Variants in PSTPIP1 observed in about 807,000 individuals in gnomAD.
PSTPIP1 encodes the protein proline-serine-threonine phosphatase interacting protein 1, also known as proline-serine-threonine phosphatase-interacting protein 1.
A neutral mutation model predicts 69.6 loss-of-function variants in PSTPIP1; 66 were observed. The observed-to-expected ratio is 0.95, with a 90% CI of 0.78 to 1.16. The LOEUF is 1.16. Ranked by LOEUF, PSTPIP1 falls within the 50% of genes most tolerant of loss-of-function variation. PSTPIP1 has a pLI of 0.00. For synonymous variants in PSTPIP1, 266 were observed against 222.7 expected, an observed-to-expected ratio of 1.19 and a Z score of -1.73; for missense variants, 603 against 557.4, an observed-to-expected ratio of 1.08 and a Z score of -0.82.
chr15:77,019,126 A>G (rs537768753), intron 3 of PSTPIP1, among the ~76,000 whole-genome samples: 1 of 152,314 alleles, frequency 6.6e-6, no homozygotes, highest in Admixed American at 6.5e-5. Flanking sequence ...AGTGGCTCTG[A>G]TGAAGCGGGA....
At chr15:77,003,591 G>A (rs1052670095) in intron 1 of PSTPIP1, among the ~76,000 whole-genome samples, 2 of 152,190 alleles carry the variant, frequency 1.3e-5, no homozygotes, top group Non-Finnish European at 2.9e-5. Context: ...AGGAGGTGGA[G>A]GTTGCAGTGA....
rs533171772 is a variant in PSTPIP1 at position 77,026,951 on chromosome 15, C to A, written c.355-901C>A. Among the ~76,000 whole-genome samples, 234 of 152,336 alleles carry A rather than the reference C, an allele frequency of 1.5e-3. 1 individual carries two copies. Among genetic ancestry groups the A allele is most frequent in the African/African-American group, 5.6e-3 (231 of 41,576 alleles). The stretch of plus-strand genomic sequence containing the variant: ...AGTGGCCAGGGCCCCGCAGGCAGAG[C>A]GCTGTGTTGTAGTGTGTGCCATGTG... On this transcript the variant is annotated intron_variant, in intron 5 of 14. Transcript: ENST00000558012.
intron 5 of PSTPIP1, among the ~76,000 whole-genome samples, chr15:77,026,597 G>T (rs555626407): frequency 5.3e-4 from 80 of 152,294 alleles, no homozygotes; most frequent in African/African-American, 1.8e-3. Flanking sequence ...CAAGCCATGC[G>T]CCCCTCAGTC....
intron 1 of PSTPIP1, among the ~76,000 whole-genome samples, chr15:77,008,959 C>T (rs2075876662): frequency 6.6e-6 from 1 of 152,226 alleles, no homozygotes; most frequent in Non-Finnish European, 1.5e-5. Flanking sequence ...ATCTTTGTCT[C>T]TCACTCTGAC....
chr15:76,997,590 C>T (rs1303115693), intron 1 of PSTPIP1, among the ~76,000 whole-genome samples: 1 of 152,180 alleles, frequency 6.6e-6, no homozygotes, highest in Non-Finnish European at 1.5e-5. Flanking sequence ...AAGAGACTTG[C>T]GCAAGGTCAC....
At chr15:77,007,753 C>T (rs1053154202) in intron 1 of PSTPIP1, 37 of 370,142 alleles carry the variant, frequency 1.0e-4, no homozygotes, top group Non-Finnish European at 1.6e-5. Flanking sequence ...CACCACCATG[C>T]CCAGCTAATT....
At position 77,032,938 on chromosome 15, in the gene PSTPIP1, C is replaced by T. The variant is rs11858480; in HGVS notation, c.915C>T (p.Cys305=). Residue 305 remains cysteine (C), a synonymous_variant, in exon 12 of 15, where the codon TGC becomes TGT. Transcript: ENST00000558012. The part of the protein sequence containing the change: ...LTSSPGIQPS[C]GMIKRFSGLL... ...GCAGCCCTGGCATACAGCCGTCCTGCGGCATGATAAAGAGGTGAGGCCCCG... is the reference window on the plus strand; with the variant it reads ...GCAGCCCTGGCATACAGCCGTCCTGTGGCATGATAAAGAGGTGAGGCCCCG... 0.023 allele frequency: 36,841 copies of T among 1,602,812 alleles called. 817 individuals carry two copies. The highest frequency in any genetic ancestry group is 0.094 in the African/African-American group (7,061 of 74,838).
intron 1 of PSTPIP1, among the ~76,000 whole-genome samples, chr15:77,009,083 CTT>C (rs1258861598): frequency 4.6e-5 from 7 of 152,124 alleles, no homozygotes; most frequent in Non-Finnish European, 7.4e-5. Context: ...AGTAAACTAA[CTT>C]TGGTGGTTAG....
chr15:77,002,622 C>T (rs985816632), intron 1 of PSTPIP1, among the ~76,000 whole-genome samples: 3 of 152,126 alleles, frequency 2.0e-5, no homozygotes, highest in African/African-American at 7.2e-5. Flanking sequence ...AGGACGTGGC[C>T]GGCTGCTCAG....
chr15:77,034,225 A>G (rs113262942), intron 12 of PSTPIP1, among the ~76,000 whole-genome samples: 3,775 of 152,136 alleles, frequency 0.025, 98 homozygotes, highest in African/African-American at 0.077. Context: ...ACAATGGCTC[A>G]GCAAGCCCTG....
At chr15:77,003,033 G>A (rs1249746493) in intron 1 of PSTPIP1, among the ~76,000 whole-genome samples, 1 of 152,218 alleles carries the variant, frequency 6.6e-6, no homozygotes, top group Non-Finnish European at 1.5e-5. Flanking sequence ...CATTGTGCAA[G>A]GTGACTGGTA....
At position 77,020,388 on chromosome 15, in the gene PSTPIP1, C is replaced by G. The variant is rs76906988; in HGVS notation, c.212+1857C>G. On this transcript the variant is annotated intron_variant, in intron 3 of 14. Coordinates refer to ENST00000558012, the MANE Select transcript of PSTPIP1 (RefSeq NM_003978.5). ...CTTGGAGAGGTGTTCTGGGCAGTCA[C>G]AAGGACAAGCAGAGAGTGCCAAGCC... is the stretch of plus-strand genomic sequence containing the variant. Among the ~76,000 whole-genome samples, 6 of 152,076 alleles carry G rather than the reference C, an allele frequency of 3.9e-5. No individual in the cohort carries two copies. The South Asian group carries it at 1.0e-3, about 26-fold the overall frequency.
chr15:76,998,936 A>G (rs1035041680), intron 1 of PSTPIP1, among the ~76,000 whole-genome samples: 1 of 152,222 alleles, frequency 6.6e-6, no homozygotes, highest in Non-Finnish European at 1.5e-5. Flanking sequence ...AAAGAGCATC[A>G]CACCTTGGCA....
At chr15:77,033,095 T>C in intron 12 of PSTPIP1, 143 bp downstream of exon 12, 1 of 815,822 alleles carries the variant, frequency 1.2e-6, no homozygotes, top group South Asian at 1.7e-5. Context: ...CTGGGCACTC[T>C]GTGGAGACAA....
intron 1 of PSTPIP1, among the ~76,000 whole-genome samples, chr15:77,004,115 C>T (rs2075768832): frequency 6.6e-6 from 1 of 152,202 alleles, no homozygotes; most frequent in South Asian, 2.1e-4. Context: ...TCCTGTTTTA[C>T]AGAGAGGAAA....
chr15:77,017,129 T>C (rs1269861368), intron 1 of PSTPIP1, among the ~76,000 whole-genome samples: 2 of 152,056 alleles, frequency 1.3e-5, no homozygotes, highest in African/African-American at 4.8e-5. Flanking sequence ...TCCCCTGGAG[T>C]AAGCCTGCGT....
At chr15:77,013,944 T>C (rs62007171) in intron 1 of PSTPIP1, among the ~76,000 whole-genome samples, 39,969 of 151,640 alleles carry the variant, frequency 0.26, 5,463 homozygotes, top group South Asian at 0.33. Flanking sequence ...GGGGAGGTGA[T>C]GAGGTGACTC....
intron 8 of PSTPIP1, 119 bp from the exon 9 acceptor site, chr15:77,030,383 A>G: frequency 9.9e-7 from 1 of 1,007,052 alleles, no homozygotes; most frequent in Admixed American, 2.0e-5. Context: ...CTGCTAGGGC[A>G]GGTCCCATGG....
intron 1 of PSTPIP1, among the ~76,000 whole-genome samples, chr15:77,008,736 T>C (rs968540179): frequency 6.6e-6 from 1 of 152,168 alleles, no homozygotes; most frequent in Non-Finnish European, 1.5e-5. Flanking sequence ...TACCTCTGTG[T>C]AGGCTGAGAG....
Sources: gnomAD v4.1 joint callset for allele counts (sites outside exome capture counted in the v4.1 genomes callset) on GRCh38, gnomAD v4.1.1 for gene constraint, MANE v1.5 for transcripts, NCBI Gene and HGNC (gene_info 2026-07-23, HGNC 2026-07-21) for gene names.